Variants in ENOX1 observed in about 807,000 individuals in gnomAD.
ENOX1 encodes the protein candidate growth-related and time keeping constitutive hydroquinone (NADH) oxidase.
In ENOX1, 42 loss-of-function variants were observed where a neutral mutation model predicts 82.5. That is an observed-to-expected ratio of 0.51 (90% CI 0.40 to 0.66). ENOX1 has a LOEUF of 0.66. Among genes scored for constraint, ENOX1 ranks in the 30% least tolerant of loss-of-function variants. The pLI, the probability that ENOX1 is intolerant of heterozygous loss-of-function variation, is 0.00. For missense variants in ENOX1, 608 were observed against 811.6 expected, an observed-to-expected ratio of 0.75 and a Z score of 3.05; for synonymous variants, 271 against 282.2, an observed-to-expected ratio of 0.96 and a Z score of 0.40.
chr13:43,765,754 G>A (rs577170962), intron 1 of ENOX1, among the ~76,000 whole-genome samples: 25 of 152,088 alleles, frequency 1.6e-4, no homozygotes, highest in Non-Finnish European at 2.9e-4. Context: ...TTTATAACTC[G>A]GAAAATAATC....
At chr13:43,266,177 C>T (rs1418864733) in intron 13 of ENOX1, among the ~76,000 whole-genome samples, 1 of 152,132 alleles carries the variant, frequency 6.6e-6, no homozygotes, top group Non-Finnish European at 1.5e-5. Context: ...AATCAGACGG[C>T]AAAGGAAGAG....
intron 5 of ENOX1, among the ~76,000 whole-genome samples, chr13:43,395,517 T>C (rs557930175): frequency 1.3e-5 from 2 of 152,284 alleles, no homozygotes; most frequent in Admixed American, 6.5e-5. Flanking sequence ...AGAGTAAGAC[T>C]TTGCCTCCAA....
intron 2 of ENOX1, among the ~76,000 whole-genome samples, chr13:43,649,507 C>CT (rs1344753024): frequency 6.6e-6 from 1 of 152,090 alleles, no homozygotes; most frequent in Non-Finnish European, 1.5e-5. Flanking sequence ...AGTAAGATGG[C>CT]TTTTGTGTTG....
chr13:43,299,575 C>T (rs375756323), intron 11 of ENOX1, among the ~76,000 whole-genome samples: 1 of 152,146 alleles, frequency 6.6e-6, no homozygotes, highest in African/African-American at 2.4e-5. Context: ...AGCCTTCACA[C>T]CCAGGCTGCA....
chr13:43,463,873 A>G (rs2057601085), intron 3 of ENOX1, among the ~76,000 whole-genome samples: 1 of 152,138 alleles, frequency 6.6e-6, no homozygotes, highest in South Asian at 2.1e-4. Context: ...TAAAATTGCT[A>G]CTCTTATTCA....
At chr13:43,401,741 A>G (rs2053509094) in intron 5 of ENOX1, among the ~76,000 whole-genome samples, 1 of 152,186 alleles carries the variant, frequency 6.6e-6, no homozygotes, top group African/African-American at 2.4e-5. Flanking sequence ...GCAACCTCGC[A>G]ATATGCCAGG....
chr13:43,393,001 A>G (rs919291807), intron 5 of ENOX1, among the ~76,000 whole-genome samples: 33 of 152,242 alleles, frequency 2.2e-4, no homozygotes, highest in African/African-American at 8.0e-4. Context: ...ATTATAAGTC[A>G]GTATAAAAAA....
chr13:43,239,058 C>G (rs1395579404), intron 14 of ENOX1, among the ~76,000 whole-genome samples: 1 of 152,182 alleles, frequency 6.6e-6, no homozygotes, highest in Non-Finnish European at 1.5e-5. Context: ...TCAACAATGT[C>G]TACAAGGAGC....
At chr13:43,651,227 G>C (rs1365896946) in intron 2 of ENOX1, among the ~76,000 whole-genome samples, 1 of 152,016 alleles carries the variant, frequency 6.6e-6, no homozygotes, top group Non-Finnish European at 1.5e-5. Context: ...TAAAAAGGAA[G>C]AAGAGGAGGA....
intron 8 of ENOX1, among the ~76,000 whole-genome samples, chr13:43,345,619 G>A (rs1392279399): frequency 6.6e-6 from 1 of 152,142 alleles, no homozygotes; most frequent in Non-Finnish European, 1.5e-5. Flanking sequence ...AAAGTTTGTG[G>A]GTGATTAAGT....
chr13:43,768,148 T>A lies in ENOX1; in HGVS notation c.-285+18504A>T, dbSNP rs541364484. On this transcript the variant is annotated intron_variant, in intron 1 of 16. Transcript: ENST00000690772. ...ACATACATTTTTACTCTGATAAAGT[T>A]GTGCTTTCATTTATGTTGTGCTTTT... Among the ~76,000 whole-genome samples, 6 of 152,342 alleles carry A rather than the reference T, an allele frequency of 3.9e-5. No homozygotes were observed. In the South Asian group the frequency reaches 1.2e-3, roughly 32 times the overall value.
intron 3 of ENOX1, among the ~76,000 whole-genome samples, chr13:43,416,197 G>T (rs1259191453): frequency 7.7e-6 from 1 of 130,192 alleles, no homozygotes; most frequent in Non-Finnish European, 1.6e-5. Context: ...TCACATCCCA[G>T]ACGGGGCGGC....
At chr13:43,479,933 ATT>A (rs149312204) in intron 3 of ENOX1, among the ~76,000 whole-genome samples, 51,153 of 107,922 alleles carry the variant, frequency 0.47, 10,106 homozygotes, top group East Asian at 0.82. Context: ...ATTTATTTTT[ATT>A]TTTATTTTTT....
chr13:43,624,902 T>C (rs1024146525), intron 2 of ENOX1, among the ~76,000 whole-genome samples: 1 of 152,098 alleles, frequency 6.6e-6, no homozygotes, highest in Non-Finnish European at 1.5e-5. Context: ...CTTAGAATAA[T>C]TTTGTTGACA....
At chr13:43,282,413 T>C (rs2045437913) in intron 12 of ENOX1, among the ~76,000 whole-genome samples, 2 of 152,032 alleles carry the variant, frequency 1.3e-5, no homozygotes, top group Non-Finnish European at 2.9e-5. Flanking sequence ...TCCTTTTGTG[T>C]TCTCTGAATG....
chr13:43,461,482 G>T (rs1215736503), intron 3 of ENOX1, among the ~76,000 whole-genome samples: 1 of 152,146 alleles, frequency 6.6e-6, no homozygotes, highest in Admixed American at 6.6e-5. Flanking sequence ...ACTGTATTAG[G>T]CACCGTGGGG....
chr13:43,381,265 AC>A (rs1279331107), intron 5 of ENOX1, among the ~76,000 whole-genome samples: 1 of 151,804 alleles, frequency 6.6e-6, no homozygotes, highest in East Asian at 1.9e-4. Context: ...CTAGAGAGTC[AC>A]CAAATAATTA....
chr13:43,505,532 G>C (rs2077123691), intron 2 of ENOX1, among the ~76,000 whole-genome samples: 1 of 151,978 alleles, frequency 6.6e-6, no homozygotes, highest in Admixed American at 6.6e-5. Context: ...AAAGAAGTCT[G>C]CAATCAACAA....
At chr13:43,615,455 G>A (rs1419811482) in intron 2 of ENOX1, among the ~76,000 whole-genome samples, 1 of 152,060 alleles carries the variant, frequency 6.6e-6, no homozygotes, top group Non-Finnish European at 1.5e-5. Context: ...CCCCTTCCAA[G>A]GACCAGGAAC....
Sources: gnomAD v4.1 joint callset for allele counts (sites outside exome capture counted in the v4.1 genomes callset) on GRCh38, gnomAD v4.1.1 for gene constraint, MANE v1.5 for transcripts, NCBI Gene and HGNC (gene_info 2026-07-23, HGNC 2026-07-21) for gene names.